PARL: variants seen among roughly 807,000 people sequenced by gnomAD.
PARL encodes the protein presenilin associated rhomboid like.
Under a neutral mutation model 51.6 loss-of-function variants are expected in PARL, and 44 were observed. The observed-to-expected ratio is 0.85, with a 90% CI of 0.67 to 1.10. PARL has a LOEUF of 1.10. Ranked by LOEUF, PARL falls within the 50% of genes least tolerant of loss-of-function variation. The probability of loss-of-function intolerance (pLI) is 0.00; values close to 1 mark genes in which losing one functional copy is unlikely to be tolerated. For synonymous variants in PARL, 172 were observed against 164.0 expected (o/e 1.05, Z -0.37); for missense variants, 441 against 469.5 (o/e 0.94, Z 0.56).
chr3:183,859,984 A>T (rs1236805706), intron 4 of PARL, among the ~76,000 whole-genome samples: 1 of 152,058 alleles, frequency 6.6e-6, no homozygotes, highest in Non-Finnish European at 1.5e-5. Context: ...CAAAGCAGAG[A>T]GGCACACTGG....
At chr3:183,841,609 T>A (rs1729320862) in intron 6 of PARL, among the ~76,000 whole-genome samples, 1 of 152,202 alleles carries the variant, frequency 6.6e-6, no homozygotes, top group Non-Finnish European at 1.5e-5. Context: ...ATGTAGAGAT[T>A]TTAGAAATTA....
In PARL at chr3:183,829,624, G is replaced by A. The variant is rs1375841254; in HGVS notation, c.1114C>T (p.Pro372Ser). The stretch of plus-strand genomic sequence containing the variant: ...TACTTAGAGCCACCTCCTTTTTTGG[G>A]GCCATTAGTCCTTATTTCATGCCAG... The part of the protein sequence containing the change: ...KIWHEIRTNG[P>S]KKGGGSK The change falls in exon 10 of 10, where the codon CCC becomes TCC. Residue 372 changes from proline to serine, a missense_variant. Physicochemically the swap from Pro to Ser is moderately conservative, Grantham distance 74 (BLOSUM62 -1). Coordinates refer to ENST00000317096, the MANE Select transcript of PARL (RefSeq NM_018622.7). 2 of 1,613,950 alleles carry A rather than the reference G, an allele frequency of 1.2e-6. No individual in the cohort carries two copies. Among genetic ancestry groups the A allele is most frequent in the Non-Finnish European group, 1.7e-6 (2 of 1,179,974 alleles).
At chr3:183,852,513 A>G (rs1292132172) in intron 4 of PARL, among the ~76,000 whole-genome samples, 2 of 152,132 alleles carry the variant, frequency 1.3e-5, no homozygotes, top group African/African-American at 4.8e-5. Flanking sequence ...ATAGGGAGCT[A>G]TTGTTTAACA....
chr3:183,843,044 C>G, intron 5 of PARL: 1 of 192,466 alleles, frequency 5.2e-6, no homozygotes, highest in Non-Finnish European at 9.5e-6. Flanking sequence ...ACCCCATGCC[C>G]AACTAATTTT....
intron 6 of PARL, among the ~76,000 whole-genome samples, chr3:183,841,961 TAAA>T (rs1318083600): frequency 6.6e-6 from 1 of 152,124 alleles, no homozygotes; most frequent in Non-Finnish European, 1.5e-5. Flanking sequence ...CCACTATCTA[TAAA>T]ATGGAGGGCC....
At chr3:183,845,774 G>A (rs1729876606) in intron 4 of PARL, among the ~76,000 whole-genome samples, 2 of 152,166 alleles carry the variant, frequency 1.3e-5, no homozygotes, top group South Asian at 4.1e-4. Flanking sequence ...GCAGTGATTC[G>A]TGTTGCTCTG....
chr3:183,869,420 C>T (rs1285277660), intron 1 of PARL, among the ~76,000 whole-genome samples: 1 of 152,070 alleles, frequency 6.6e-6, no homozygotes, highest in African/African-American at 2.4e-5. Flanking sequence ...GTTGGTCAGG[C>T]TGGTCTCGAA....
chr3:183,838,282 C>T (rs1728888774), intron 7 of PARL, among the ~76,000 whole-genome samples: 1 of 152,196 alleles, frequency 6.6e-6, no homozygotes, highest in Non-Finnish European at 1.5e-5. Flanking sequence ...CCTGCCGTGG[C>T]TCCCAAAGTG....
downstream of PARL, chr3:183,826,736 G>C: frequency 1.0e-6 from 1 of 985,408 alleles, no homozygotes; most frequent in Non-Finnish European, 1.2e-6. Context: ...GGAGATCCTG[G>C]AAAATGACAC....
intron 4 of PARL, among the ~76,000 whole-genome samples, chr3:183,849,127 A>G (rs1246424214): frequency 3.3e-5 from 5 of 152,234 alleles, no homozygotes; most frequent in Non-Finnish European, 7.3e-5. Context: ...TAATGGAGAG[A>G]ATAATTAAAT....
Position 183,840,281 on chromosome 3 carries a change from G to A in PARL, c.828+289C>T, listed in dbSNP as rs531529965. Reference sequence around the variant, plus strand: ...TGGATTAGGCTCTCTGGTTTACGAGGATTGCACACTTACTGTTCTGAGATA... The same window carrying A: ...TGGATTAGGCTCTCTGGTTTACGAGAATTGCACACTTACTGTTCTGAGATA... On this transcript the variant is annotated intron_variant, in intron 7 of 9. Coordinates refer to ENST00000317096, the MANE Select transcript of PARL (RefSeq NM_018622.7). Among the ~76,000 whole-genome samples, 3 of 152,268 alleles carry A rather than the reference G, an allele frequency of 2.0e-5. No homozygotes were observed. In the South Asian group the frequency reaches 6.2e-4, roughly 32 times the overall value.
In PARL at chr3:183,868,019, G is replaced by A. The variant is rs138755793; in HGVS notation, c.167C>T (p.Ala56Val). The change falls in exon 2 of 10, where the codon GCA becomes GTA. Residue 56 changes from alanine to valine, a missense_variant. Coordinates refer to ENST00000317096, the MANE Select transcript of PARL (RefSeq NM_018622.7). Reference protein sequence around the residue: ...FIQQKCGFRKAPRKVEPRRSD... With the variant: ...FIQQKCGFRKVPRKVEPRRSD... ...TCTTCGAGGTTCAACCTTCCTGGGT[G>A]CTTTTCTGAATCCGCATTTTTGTTG... The A allele has an allele frequency of 8.6e-5, 139 of 1,614,136 alleles. No individual in the cohort carries two copies. In the African/African-American group the frequency reaches 1.7e-3, roughly 20 times the overall value.
downstream of PARL, among the ~76,000 whole-genome samples, chr3:183,827,047 T>C (rs977600426): frequency 1.3e-5 from 2 of 151,666 alleles, no homozygotes; most frequent in African/African-American, 4.8e-5. Context: ...ACTCGCCACC[T>C]GTTGTGAGGG....
intron 4 of PARL, chr3:183,846,706 C>T: frequency 1.4e-6 from 1 of 724,940 alleles, no homozygotes; most frequent in South Asian, 6.2e-5. Context: ...TAAACACCAT[C>T]CATTAGTAAC....
chr3:183,837,701 A>G (rs1728798294), intron 7 of PARL, among the ~76,000 whole-genome samples: 1 of 152,242 alleles, frequency 6.6e-6, no homozygotes, highest in Non-Finnish European at 1.5e-5. Context: ...TCAGAGGAAG[A>G]CCACTGAAAC....
At chr3:183,879,721 T>C in intron 1 of PARL, 2 of 979,920 alleles carry the variant, frequency 2.0e-6, no homozygotes, top group Non-Finnish European at 2.4e-6. Flanking sequence ...TAAATTTCCT[T>C]TTTTTGGTGG....
intron 1 of PARL, among the ~76,000 whole-genome samples, chr3:183,883,396 G>A (rs1054568223): frequency 6.6e-6 from 1 of 152,144 alleles, no homozygotes; most frequent in African/African-American, 2.4e-5. Flanking sequence ...AGGCTCCCGA[G>A]TAGCTGGGAT....
intron 6 of PARL, 68 bp from the exon 7 acceptor site, chr3:183,840,708 T>A: frequency 1.2e-6 from 1 of 811,184 alleles, no homozygotes; most frequent in Non-Finnish European, 2.0e-6. Context: ...TTTTTTCTTT[T>A]CTTTTTTTTT....
At chr3:183,884,077 A>T (rs1190395587) in intron 1 of PARL, among the ~76,000 whole-genome samples, 1 of 152,230 alleles carries the variant, frequency 6.6e-6, no homozygotes, top group African/African-American at 2.4e-5. Context: ...ACAGGTGAGG[A>T]ATTTCTCTCT....
Sources: gnomAD v4.1 joint callset for allele counts (sites outside exome capture counted in the v4.1 genomes callset) on GRCh38, gnomAD v4.1.1 for gene constraint, MANE v1.5 for transcripts, NCBI Gene and HGNC (gene_info 2026-07-23, HGNC 2026-07-21) for gene names.